Variants in PARD3B observed in about 807,000 individuals in gnomAD.
PARD3B encodes par-3 family cell polarity regulator beta.
In PARD3B, 103 loss-of-function variants were observed where a neutral mutation model predicts 130.2. That is an observed-to-expected ratio of 0.79 (90% CI 0.67 to 0.93). The LOEUF is 0.93. Ranked by LOEUF, PARD3B falls within the 40% of genes least tolerant of loss-of-function variation. The probability of loss-of-function intolerance (pLI) is 0.00; values close to 1 mark genes in which losing one functional copy is unlikely to be tolerated. For missense variants in PARD3B, 1,609 were observed against 1,499.2 expected, an observed-to-expected ratio of 1.07 and a Z score of -1.21; for synonymous variants, 583 against 553.2, an observed-to-expected ratio of 1.05 and a Z score of -0.76.
intron 2 of PARD3B, among the ~76,000 whole-genome samples, chr2:204,913,873 G>C (rs779312762): frequency 3.3e-5 from 5 of 152,220 alleles, no homozygotes; most frequent in Non-Finnish European, 4.4e-5. Context: ...TTAACGGACA[G>C]AACTGTTAGG....
rs540016271 is a variant in PARD3B at position 204,994,692 on chromosome 2, C to T, written c.394+29369C>T. Among the ~76,000 whole-genome samples, 3 of 150,722 alleles carry T rather than the reference C, an allele frequency of 2.0e-5. No individual in the cohort carries two copies. The East Asian group carries it at 5.9e-4, about 30-fold the overall frequency. On this transcript the variant is annotated intron_variant, in intron 3 of 22. Coordinates refer to ENST00000406610, the MANE Select transcript of PARD3B (RefSeq NM_001302769.2). Reference sequence around the variant, plus strand: ...GTTGACAGTGGGGTGTTAAAGTCTCCCATTATTAATGTGTGGGAGTCTAAG... The same window carrying T: ...GTTGACAGTGGGGTGTTAAAGTCTCTCATTATTAATGTGTGGGAGTCTAAG...
rs2051308604 is a variant in PARD3B, at chr2:205,525,765, A to G, written c.3180+25734A>G. ...TCATTTTGGTGACAAGTCCAGCTCAATGAGAATCTCGACAAAGGGCCTGAC... is the reference window on the plus strand; with the variant it reads ...TCATTTTGGTGACAAGTCCAGCTCAGTGAGAATCTCGACAAAGGGCCTGAC... On this transcript the variant is annotated intron_variant, in intron 21 of 22. Coordinates refer to ENST00000406610, the MANE Select transcript of PARD3B (RefSeq NM_001302769.2). This position sits in a 1 kb window ranked among gnomAD's most constrained non-coding sequence, Gnocchi z 4.2. 6.6e-6 allele frequency among the ~76,000 whole-genome samples: 1 copy of G among 152,166 alleles called. No homozygotes were observed. The highest frequency in any genetic ancestry group is 1.5e-5 in the Non-Finnish European group (1 of 68,028).
chr2:205,011,025 G>A lies in PARD3B; in HGVS notation c.395-36556G>A, dbSNP rs138437874. On this transcript the variant is annotated intron_variant, in intron 3 of 22. Transcript: ENST00000406610. The surrounding 1 kb of genome is among the most constrained non-coding windows in gnomAD (Gnocchi z 4.1). Reference sequence around the variant, plus strand: ...AGGATCCCCTTAAAAAGCTGATTGCGGCTCTCTGGTGTATGGGGTTTAGTG... The same window carrying A: ...AGGATCCCCTTAAAAAGCTGATTGCAGCTCTCTGGTGTATGGGGTTTAGTG... 2.7e-3 allele frequency among the ~76,000 whole-genome samples: 414 copies of A among 152,152 alleles called. 1 individual carries two copies. The highest frequency in any genetic ancestry group is 3.4e-3 in the Middle Eastern group (1 of 294).
chr2:205,576,211 G>A (rs921346011), intron 22 of PARD3B, among the ~76,000 whole-genome samples: 1 of 151,520 alleles, frequency 6.6e-6, no homozygotes, highest in African/African-American at 2.4e-5. Context: ...GGCCCATTTT[G>A]TAATTGAGTT....
intron 21 of PARD3B, among the ~76,000 whole-genome samples, chr2:205,543,232 T>C (rs2052239274): frequency 6.6e-6 from 1 of 152,172 alleles, no homozygotes; most frequent in Non-Finnish European, 1.5e-5. Flanking sequence ...ATACCATGTA[T>C]GAATAACTGA....
chr2:205,456,250 A>G (rs1485348885), intron 20 of PARD3B, among the ~76,000 whole-genome samples: 1 of 152,134 alleles, frequency 6.6e-6, no homozygotes, highest in African/African-American at 2.4e-5. Context: ...CCATTTGCTT[A>G]ATCATTCATC....
intron 1 of PARD3B, among the ~76,000 whole-genome samples, chr2:204,553,938 G>A (rs1198185588): frequency 1.3e-5 from 2 of 151,576 alleles, no homozygotes; most frequent in East Asian, 1.9e-4. Context: ...ACTGGGTGCC[G>A]TGCATACTGC....
intron 1 of PARD3B, among the ~76,000 whole-genome samples, chr2:204,599,098 G>C (rs2033408945): frequency 6.6e-6 from 1 of 150,998 alleles, no homozygotes; most frequent in Non-Finnish European, 1.5e-5. Flanking sequence ...CAAGAACCCT[G>C]GTGATCTTTC....
chr2:205,552,610 T>C (rs1309679224), intron 21 of PARD3B, among the ~76,000 whole-genome samples: 1 of 152,058 alleles, frequency 6.6e-6, no homozygotes, highest in East Asian at 1.9e-4. Context: ...GGTTTCACTA[T>C]GTTGGCCAGT....
intron 20 of PARD3B, among the ~76,000 whole-genome samples, chr2:205,467,068 A>G (rs994955908): frequency 2.0e-5 from 3 of 152,222 alleles, no homozygotes; most frequent in Non-Finnish European, 2.9e-5. Context: ...GATAAAGTAT[A>G]TCATCTCCAT....
intron 16 of PARD3B, among the ~76,000 whole-genome samples, chr2:205,251,735 G>C (rs556863225): frequency 2.0e-5 from 3 of 152,038 alleles, no homozygotes; most frequent in African/African-American, 7.2e-5. Flanking sequence ...AATTTTTATG[G>C]TTATTATTGA....
chr2:204,707,748 A>G (rs894794089), intron 2 of PARD3B, among the ~76,000 whole-genome samples: 2 of 152,204 alleles, frequency 1.3e-5, no homozygotes, highest in Non-Finnish European at 2.9e-5. Flanking sequence ...TTGACTTCAT[A>G]CAGTCTCAGT....
At chr2:204,546,736 C>T (rs769881586) in intron 1 of PARD3B, among the ~76,000 whole-genome samples, 2 of 152,144 alleles carry the variant, frequency 1.3e-5, no homozygotes, top group Non-Finnish European at 2.9e-5. Flanking sequence ...GTCACAGATT[C>T]TATGACCATT....
At chr2:205,533,482 C>A (rs2051694186) in intron 21 of PARD3B, among the ~76,000 whole-genome samples, 1 of 152,052 alleles carries the variant, frequency 6.6e-6, no homozygotes, top group Non-Finnish European at 1.5e-5. Flanking sequence ...CATTTTCTTA[C>A]CCCTATACCT....
intron 2 of PARD3B, among the ~76,000 whole-genome samples, chr2:204,847,369 G>A (rs1436719362): frequency 1.3e-5 from 2 of 152,022 alleles, no homozygotes; most frequent in East Asian, 1.9e-4. Context: ...GAGTTAGCTT[G>A]TCTAGATTCA....
intron 21 of PARD3B, among the ~76,000 whole-genome samples, chr2:205,500,288 C>T (rs963144545): frequency 2.0e-5 from 3 of 152,122 alleles, no homozygotes; most frequent in Non-Finnish European, 4.4e-5. Flanking sequence ...TTGGGGGAAG[C>T]AGAAGTTAGC....
intron 19 of PARD3B, among the ~76,000 whole-genome samples, chr2:205,406,659 C>CTTT (rs777517284): frequency 1.3e-4 from 11 of 87,462 alleles, no homozygotes; most frequent in African/African-American, 5.2e-4. Flanking sequence ...TCTTGTGTAT[C>CTTT]TTTTTTTTTT....
At chr2:205,139,749 A>ATGAT (rs779517439) in intron 10 of PARD3B, among the ~76,000 whole-genome samples, 1 of 152,150 alleles carries the variant, frequency 6.6e-6, no homozygotes, top group Non-Finnish European at 1.5e-5. Flanking sequence ...AAAACTGAGT[A>ATGAT]TGATTTTCAT....
intron 2 of PARD3B, among the ~76,000 whole-genome samples, chr2:204,864,011 C>G (rs953204014): frequency 2.0e-5 from 3 of 152,144 alleles, no homozygotes; most frequent in African/African-American, 4.8e-5. Flanking sequence ...AAGCTGTCAT[C>G]TGTGTTTTGA....
Sources: allele counts gnomAD v4.1 joint callset (sites outside exome capture counted in the v4.1 genomes callset), GRCh38; gene constraint gnomAD v4.1.1; non-coding constraint Gnocchi (gnomAD v3.1); transcripts MANE v1.5; gene names NCBI Gene and HGNC (gene_info 2026-07-23, HGNC 2026-07-21).